Variants in EBF2 observed in about 807,000 individuals in gnomAD.
EBF2 encodes EBF transcription factor 2.
In EBF2, 21 loss-of-function variants were observed where a neutral mutation model predicts 72.8. That is an observed-to-expected ratio of 0.29 (90% CI 0.20 to 0.42). The LOEUF is 0.42. Among genes scored for constraint, EBF2 ranks in the 10% least tolerant of loss-of-function variants. The probability of loss-of-function intolerance (pLI) is 1.00; values close to 1 mark genes in which losing one functional copy is unlikely to be tolerated. For missense variants in EBF2, 637 were observed against 731.2 expected (o/e 0.87, Z 1.49); for synonymous variants, 299 against 274.2 (o/e 1.09, Z -0.89).
chr8:25,938,692 G>A (rs1803620035), intron 6 of EBF2, among the ~76,000 whole-genome samples: 1 of 152,138 alleles, frequency 6.6e-6, no homozygotes, highest in African/African-American at 2.4e-5. Context: ...CAAATACTCT[G>A]CTCAGGGATG....
intron 3 of EBF2, 82 bp from the exon 4 acceptor site, chr8:26,040,753 G>T: frequency 6.6e-7 from 1 of 1,516,664 alleles, no homozygotes; most frequent in Non-Finnish European, 8.9e-7. Context: ...ATGGGTCTGA[G>T]GCCCAAGCAG....
At chr8:26,011,784 A>G (rs1180381566) in intron 6 of EBF2, among the ~76,000 whole-genome samples, 5 of 152,016 alleles carry the variant, frequency 3.3e-5, no homozygotes, top group Non-Finnish European at 7.4e-5. Context: ...GTCTTAACGG[A>G]GAATAGAATT....
At chr8:25,963,172 C>G (rs1804061874) in intron 6 of EBF2, among the ~76,000 whole-genome samples, 6 of 152,184 alleles carry the variant, frequency 3.9e-5, no homozygotes, top group Admixed American at 1.3e-4. Context: ...GTGAAGAGGT[C>G]CTTAGTGCCA....
At chr8:26,017,293 T>A (rs566609566) in intron 6 of EBF2, among the ~76,000 whole-genome samples, 3 of 152,256 alleles carry the variant, frequency 2.0e-5, no homozygotes, top group Admixed American at 6.5e-5. Flanking sequence ...GTTGTGTTGC[T>A]CTGTGACTAG....
At chr8:26,005,268 A>AT (rs574840215) in intron 6 of EBF2, among the ~76,000 whole-genome samples, 2 of 6,196 alleles carry the variant, frequency 3.2e-4, no homozygotes, top group African/African-American at 7.6e-4. Flanking sequence ...TATAATATAT[A>AT]ATATATATAA....
chr8:26,042,575 G>A (rs748705789), intron 1 of EBF2, among the ~76,000 whole-genome samples: 2 of 152,158 alleles, frequency 1.3e-5, no homozygotes, highest in Non-Finnish European at 2.9e-5. Flanking sequence ...GCCCAGAGTG[G>A]TCCCCTAAGG....
intron 6 of EBF2, among the ~76,000 whole-genome samples, chr8:25,968,696 G>A (rs986425677): frequency 2.6e-5 from 4 of 152,166 alleles, no homozygotes; most frequent in African/African-American, 4.8e-5. Flanking sequence ...CCAGCAGCTG[G>A]GATTACAGGC....
chr8:25,933,968 G>A (rs1451863958), intron 6 of EBF2, among the ~76,000 whole-genome samples: 1 of 152,086 alleles, frequency 6.6e-6, no homozygotes, highest in Non-Finnish European at 1.5e-5. Context: ...TGGGTCAGAA[G>A]AAAATACATA....
chr8:25,967,077 A>G (rs527414380), intron 6 of EBF2, among the ~76,000 whole-genome samples: 3 of 152,328 alleles, frequency 2.0e-5, no homozygotes, highest in Admixed American at 6.5e-5. Context: ...ATCAGAGATG[A>G]TGGAATGAAA....
chr8:25,947,316 G>A (rs1803786762), intron 6 of EBF2, among the ~76,000 whole-genome samples: 1 of 152,162 alleles, frequency 6.6e-6, no homozygotes, highest in South Asian at 2.1e-4. Context: ...CATGTAAGAT[G>A]TGACTTTGCT....
intron 10 of EBF2, among the ~76,000 whole-genome samples, chr8:25,865,452 A>G (rs1183189295): frequency 6.6e-6 from 1 of 152,120 alleles, no homozygotes; most frequent in African/African-American, 2.4e-5. Context: ...TCAGCTTTAG[A>G]GTTGAGTAGA....
At chr8:26,001,526 A>T (rs1804725364) in intron 6 of EBF2, among the ~76,000 whole-genome samples, 1 of 152,042 alleles carries the variant, frequency 6.6e-6, no homozygotes, top group Admixed American at 6.5e-5. Flanking sequence ...CATGGCATAC[A>T]TATAAAGGAA....
chr8:26,002,595 G>C (rs1804748991), intron 6 of EBF2, among the ~76,000 whole-genome samples: 1 of 152,166 alleles, frequency 6.6e-6, no homozygotes, highest in Non-Finnish European at 1.5e-5. Flanking sequence ...TCCTCAGAGA[G>C]AACATTAACA....
intron 11 of EBF2, 82 bp downstream of exon 11, chr8:25,862,627 G>A: frequency 9.4e-7 from 1 of 1,065,006 alleles, no homozygotes. Flanking sequence ...TAATTTTAAT[G>A]GGATGTAAAT....
intron 6 of EBF2, among the ~76,000 whole-genome samples, chr8:25,963,736 C>T (rs959745926): frequency 4.6e-5 from 7 of 152,070 alleles, no homozygotes; most frequent in African/African-American, 1.4e-4. Context: ...AAACATCAAA[C>T]AGTATGTTAA....
chr8:25,881,437 A>G (rs1802604087), intron 10 of EBF2, among the ~76,000 whole-genome samples: 1 of 152,192 alleles, frequency 6.6e-6, no homozygotes, highest in Admixed American at 6.5e-5. Flanking sequence ...TTCCCCTGGC[A>G]TATGTTCCCA....
At chr8:25,905,793 C>A (rs959733509) in intron 7 of EBF2, among the ~76,000 whole-genome samples, 2 of 152,010 alleles carry the variant, frequency 1.3e-5, no homozygotes, top group East Asian at 1.9e-4. Flanking sequence ...ACCACTGGAC[C>A]CTGCACTTTT....
intron 6 of EBF2, among the ~76,000 whole-genome samples, chr8:25,915,197 C>G (rs1803190202): frequency 6.6e-6 from 1 of 151,594 alleles, no homozygotes; most frequent in African/African-American, 2.4e-5. Flanking sequence ...GTCAAAACAG[C>G]TAGTAAGCAG....
chr8:25,921,824 A>T (rs1803309032), intron 6 of EBF2, among the ~76,000 whole-genome samples: 1 of 152,206 alleles, frequency 6.6e-6, no homozygotes, highest in Admixed American at 6.5e-5. Flanking sequence ...TCCTCAAACG[A>T]AACGTCTCAT....
Sources: allele counts gnomAD v4.1 joint callset (sites outside exome capture counted in the v4.1 genomes callset), GRCh38; gene constraint gnomAD v4.1.1; transcripts MANE v1.5; gene names NCBI Gene and HGNC (gene_info 2026-07-23, HGNC 2026-07-21).